GBP7: variants seen among roughly 807,000 people sequenced by gnomAD.
GBP7 encodes guanylate-binding protein 7.
A neutral mutation model predicts 61.3 loss-of-function variants in GBP7; 43 were observed. The ratio of observed to expected loss-of-function variants is 0.70; its 90% CI spans 0.55 to 0.91. GBP7 has a LOEUF of 0.91. Ranked by LOEUF, GBP7 falls within the 40% of genes least tolerant of loss-of-function variation. The pLI, the probability that GBP7 is intolerant of heterozygous loss-of-function variation, is 0.00. For synonymous variants in GBP7, 267 were observed against 271.0 expected, an observed-to-expected ratio of 0.99 and a Z score of 0.14; for missense variants, 717 against 740.5, an observed-to-expected ratio of 0.97 and a Z score of 0.37.
intron 7 of GBP7, 135 bp from the exon 8 acceptor site, chr1:89,147,914 C>T (rs1027782028): frequency 5.9e-6 from 5 of 843,578 alleles, no homozygotes; most frequent in Non-Finnish European, 9.3e-6. Context: ...AGTCAGAAGA[C>T]TTGTTTTAGT....
rs373423526 is a variant in GBP7 at position 89,141,333 on chromosome 1, A to G, written c.1468+213T>C. 3.9e-4 allele frequency among the ~76,000 whole-genome samples: 59 copies of G among 152,310 alleles called. 6 individuals are homozygous for G. The highest frequency in any genetic ancestry group is 9.2e-4 in the Admixed American group (14 of 15,290). Reference sequence around the variant, plus strand: ...GAATCTCTGAATTCTGTCACTAGCCATGTCAGCAAGAGCATGTTTAAGAAT... The same window carrying G: ...GAATCTCTGAATTCTGTCACTAGCCGTGTCAGCAAGAGCATGTTTAAGAAT... On this transcript the variant is annotated intron_variant, in intron 9 of 10. Coordinates refer to ENST00000294671, the MANE Select transcript of GBP7 (RefSeq NM_207398.3).
intron 2 of GBP7, among the ~76,000 whole-genome samples, chr1:89,168,114 C>A (rs1647492125): frequency 6.6e-6 from 1 of 152,154 alleles, no homozygotes; most frequent in Non-Finnish European, 1.5e-5. Context: ...TGGAAGGGAT[C>A]CCAAACATCT....
At chr1:89,141,523 A>C in intron 9 of GBP7, 23 bp downstream of exon 9, 1 of 1,604,956 alleles carries the variant, frequency 6.2e-7, no homozygotes. Context: ...CATTTGCCTG[A>C]GAGCTGAGCC....
chr1:89,133,642 A>G (rs1681728914), intron 9 of GBP7, among the ~76,000 whole-genome samples, 191 bp from the exon 10 acceptor site: 1 of 152,152 alleles, frequency 6.6e-6, no homozygotes, highest in Non-Finnish European at 1.5e-5. Context: ...TGCAGACCCA[A>G]GGCTGAAGGG....
chr1:89,168,318 G>T (rs113996974), intron 2 of GBP7, among the ~76,000 whole-genome samples: 1 of 152,082 alleles, frequency 6.6e-6, no homozygotes, highest in Non-Finnish European at 1.5e-5. Context: ...ACCCCTTTGT[G>T]CTTTGGCCAA....
intron 6 of GBP7, 149 bp downstream of exon 6, chr1:89,150,181 C>A: frequency 1.5e-6 from 1 of 676,992 alleles, no homozygotes; most frequent in Non-Finnish European, 2.5e-6. Context: ...AGCTTTTATA[C>A]CCTCACTGAG....
intron 2 of GBP7, among the ~76,000 whole-genome samples, chr1:89,169,280 A>T (rs888052268): frequency 7.9e-5 from 12 of 152,208 alleles, no homozygotes; most frequent in Admixed American, 4.6e-4. Context: ...TGTATGTAAT[A>T]ATTTTCCCAA....
chr1:89,172,570 A>G (rs969193459), intron 1 of GBP7, among the ~76,000 whole-genome samples: 4 of 152,020 alleles, frequency 2.6e-5, no homozygotes, highest in African/African-American at 9.7e-5. Context: ...TGCCATTTTC[A>G]GTGTCTTGTA....
At chr1:89,155,189 C>G (rs1682287478) in intron 3 of GBP7, among the ~76,000 whole-genome samples, 1 of 152,210 alleles carries the variant, frequency 6.6e-6, no homozygotes, top group South Asian at 2.1e-4. Context: ...CACACCAAAA[C>G]CCCATCTGTG....
At chr1:89,143,707 TGAGA>T (rs899991014) in intron 8 of GBP7, among the ~76,000 whole-genome samples, 1 of 150,540 alleles carries the variant, frequency 6.6e-6, no homozygotes, top group Non-Finnish European at 1.5e-5. Flanking sequence ...CAAGAGAGAG[TGAGA>T]GAGAGTGGAG....
intron 3 of GBP7, among the ~76,000 whole-genome samples, chr1:89,156,595 T>C (rs655342): frequency 0.74 from 112,180 of 152,078 alleles, 41,670 homozygotes; most frequent in African/African-American, 0.81. Flanking sequence ...AAACAAAGAC[T>C]GAAAGAGACA....
chr1:89,151,713 GA>G (rs1186149623), intron 5 of GBP7, among the ~76,000 whole-genome samples: 3 of 151,978 alleles, frequency 2.0e-5, no homozygotes, highest in Non-Finnish European at 4.4e-5. Flanking sequence ...TAAAGGATTT[GA>G]CAGTCCTACT....
intron 2 of GBP7, among the ~76,000 whole-genome samples, chr1:89,165,404 G>A (rs1326689737): frequency 2.6e-5 from 4 of 152,062 alleles, no homozygotes; most frequent in Admixed American, 2.6e-4. Context: ...GGAGGCTGAG[G>A]TAGGGGAGTC....
At chr1:89,160,774 GA>G (rs891578353) in intron 3 of GBP7, among the ~76,000 whole-genome samples, 3 of 151,916 alleles carry the variant, frequency 2.0e-5, no homozygotes, top group Non-Finnish European at 4.4e-5. Context: ...AATTTCTTTT[GA>G]AAAAAATAGA....
intron 10 of GBP7, 81 bp from the exon 11 acceptor site, chr1:89,132,484 A>G (rs1416701857): frequency 9.9e-7 from 1 of 1,009,662 alleles, no homozygotes; most frequent in Admixed American, 2.4e-5. Context: ...TTCATTAGTT[A>G]AACATGTGTC....
At chr1:89,174,910 G>A (rs770858836) in intron 1 of GBP7, among the ~76,000 whole-genome samples, 2 of 152,140 alleles carry the variant, frequency 1.3e-5, no homozygotes, top group Admixed American at 6.6e-5. Flanking sequence ...ACCATGGCTT[G>A]TTTTTTGTCT....
intron 1 of GBP7, among the ~76,000 whole-genome samples, chr1:89,174,321 T>C (rs954024093): frequency 5.9e-5 from 9 of 152,176 alleles, no homozygotes; most frequent in African/African-American, 2.2e-4. Flanking sequence ...TTTGTAGATA[T>C]TGCCAAGTTC....
At chr1:89,140,460 G>GAAAAAAAAAAAAAA (rs56788095) in intron 9 of GBP7, among the ~76,000 whole-genome samples, 1 of 143,856 alleles carries the variant, frequency 7.0e-6, no homozygotes, top group Non-Finnish European at 1.5e-5. Flanking sequence ...AAAAAAAACT[G>GAAAAAAAAAAAAAA]AAAAAAAAAA....
chr1:89,141,401 C>T, intron 9 of GBP7, 145 bp downstream of exon 9: 1 of 541,998 alleles, frequency 1.8e-6, no homozygotes, highest in Non-Finnish European at 3.2e-6. Flanking sequence ...AATCCCAACT[C>T]CCCTTGTTAT....
Sources: allele counts gnomAD v4.1 joint callset (sites outside exome capture counted in the v4.1 genomes callset), GRCh38; gene constraint gnomAD v4.1.1; transcripts MANE v1.5; gene names NCBI Gene and HGNC (gene_info 2026-07-23, HGNC 2026-07-21).